Variants in LDHB observed in about 807,000 individuals in gnomAD.
The protein encoded by LDHB is L-lactate dehydrogenase B chain.
A neutral mutation model predicts 33.4 loss-of-function variants in LDHB; 18 were observed. That is an observed-to-expected ratio of 0.54 (90% CI 0.37 to 0.80). LDHB has a LOEUF of 0.80. Ranked by LOEUF, LDHB falls within the 30% of genes least tolerant of loss-of-function variation. The pLI is 0.00. For missense variants in LDHB, 345 were observed against 407.9 expected (o/e 0.85, Z 1.33); for synonymous variants, 121 against 140.6 (o/e 0.86, Z 0.98).
In LDHB at chr12:21,635,719, C is replaced by A. The variant is rs776167553; in HGVS notation, c.838-10G>T. 1 of 1,612,714 alleles carries A rather than the reference C, an allele frequency of 6.2e-7. No homozygotes were observed. Among genetic ancestry groups the A allele is most frequent in the South Asian group, 1.1e-5 (1 of 91,036 alleles). On this transcript the variant is annotated splice_polypyrimidine_tract_variant and intron_variant, in intron 7 of 7. Transcript: ENST00000350669. Reference sequence around the variant, plus strand: ...CAATGCCATACATCCCCTGCCAGAACAACAAAGCATCGAGATTAAGACATG... The same window carrying A: ...CAATGCCATACATCCCCTGCCAGAAAAACAAAGCATCGAGATTAAGACATG...
Position 21,657,796 on chromosome 12 carries a change from A to C in LDHB, c.-52T>G, listed in dbSNP as rs370087403. 1.4e-4 allele frequency: 22 copies of C among 152,494 alleles called. No homozygotes were observed. Among genetic ancestry groups the C allele is most frequent in the African/African-American group, 5.3e-4 (22 of 41,574 alleles). The allele number at this position is 152,494 out of a possible 1,614,324, so 9.4% of individuals were successfully genotyped here. On this transcript the variant is annotated 5_prime_UTR_variant, in exon 1 of 8. Transcript: ENST00000350669. Reference sequence around the variant, plus strand: ...AGACCTCTGTAACAGTCGTGCGGAGAAGACAAAGTCAGCTGCGTGCGTCTC... The same window carrying C: ...AGACCTCTGTAACAGTCGTGCGGAGCAGACAAAGTCAGCTGCGTGCGTCTC...
Position 21,650,142 on chromosome 12 carries a change from A to ACC in LDHB, c.130-3127_130-3126insGG, listed in dbSNP as rs1565629857. Among the ~76,000 whole-genome samples the ACC allele has an allele frequency of 3.6e-4, 54 of 148,196 alleles. 2 individuals are homozygous for ACC. The highest frequency in any genetic ancestry group is 1.4e-3 in the African/African-American group (54 of 39,460). ...CACACACACACACACACACACACAC[A>ACC]CACACACACGTCTCTCTCTCCAAGT... On this transcript the variant is annotated intron_variant, in intron 2 of 7. Coordinates refer to ENST00000350669, the MANE Select transcript of LDHB (RefSeq NM_002300.8).
intron 6 of LDHB, among the ~76,000 whole-genome samples, chr12:21,637,836 T>G (rs1283427113): frequency 6.6e-6 from 1 of 151,978 alleles, no homozygotes; most frequent in Non-Finnish European, 1.5e-5. Context: ...ATATGTTAAT[T>G]GAAATTATAA....
At chr12:21,636,959 G>C (rs1193423351) in intron 7 of LDHB, 112 bp downstream of exon 7, 1 of 962,244 alleles carries the variant, frequency 1.0e-6, no homozygotes, top group East Asian at 2.4e-5. Flanking sequence ...AACTTTGAGA[G>C]ACAGAAATAA....
chr12:21,644,320 G>T (rs1938454373), intron 3 of LDHB, among the ~76,000 whole-genome samples: 1 of 150,112 alleles, frequency 6.7e-6, no homozygotes, highest in South Asian at 2.1e-4. Flanking sequence ...ACATCAAACT[G>T]CCTCAGAAAA....
In LDHB at chr12:21,637,167, T is replaced by C; in HGVS notation, c.741A>G (p.Gly247=). The C allele has an allele frequency of 6.2e-7, 1 of 1,602,372 alleles. No homozygotes were observed. ...ESAYEVIKLK[G]YTNWAIGLSV... ...TTAATCCAATAGCCCAGTTGGTATA[T>C]CCTTTTAGCTTGATGACTTCATAGG... Residue 247 remains glycine, a synonymous_variant, in exon 7 of 8, where the codon GGA becomes GGG. Transcript: ENST00000350669.
intron 2 of LDHB, among the ~76,000 whole-genome samples, chr12:21,650,083 C>A (rs1938638291): frequency 1.0e-5 from 1 of 98,546 alleles, no homozygotes; most frequent in African/African-American, 3.7e-5. Flanking sequence ...CAGTAAGACT[C>A]TCTCTCTCAA....
At chr12:21,653,662 A>AT (rs1938754931) in intron 2 of LDHB, among the ~76,000 whole-genome samples, 1 of 12,274 alleles carries the variant, frequency 8.1e-5, no homozygotes. Flanking sequence ...ATATACACAT[A>AT]TATGTATGTA....
intron 5 of LDHB, among the ~76,000 whole-genome samples, chr12:21,641,707 A>T (rs1938372408): frequency 6.6e-6 from 1 of 152,206 alleles, no homozygotes; most frequent in Non-Finnish European, 1.5e-5. Flanking sequence ...TAAAGAACTT[A>T]AGGAGAAAAA....
chr12:21,643,906 G>A (rs1440382913), intron 4 of LDHB, 29 bp downstream of exon 4: 3 of 1,526,606 alleles, frequency 2.0e-6, no homozygotes. Flanking sequence ...GAACTTAACA[G>A]AACAGAGACT....
At chr12:21,657,675 C>G (rs1385314620) in intron 1 of LDHB, 76 bp downstream of exon 1, 2 of 152,462 alleles carry the variant, frequency 1.3e-5, no homozygotes, top group African/African-American at 4.8e-5. Flanking sequence ...CCGCGTCTCC[C>G]CATACAAGTA....
intron 2 of LDHB, among the ~76,000 whole-genome samples, chr12:21,652,562 T>C (rs1028498018): frequency 6.6e-6 from 1 of 152,174 alleles, no homozygotes; most frequent in Non-Finnish European, 1.5e-5. Flanking sequence ...CCCTGTAATC[T>C]AGGGAGCTGC....
chr12:21,635,889 A>G (rs1035843931), intron 7 of LDHB, among the ~76,000 whole-genome samples, 180 bp from the exon 8 acceptor site: 2 of 151,992 alleles, frequency 1.3e-5, no homozygotes, highest in Non-Finnish European at 1.5e-5. Context: ...TAAAGGGGGG[A>G]AAAAAGAGAA....
At position 21,642,907 on chromosome 12, in the gene LDHB, C is replaced by T. The variant is rs1329011151; in HGVS notation, c.422-782G>A. 1.2e-4 allele frequency among the ~76,000 whole-genome samples: 18 copies of T among 152,146 alleles called. 1 individual carries two copies. The highest frequency in any genetic ancestry group is 1.2e-3 in the Admixed American group (18 of 15,280). On this transcript the variant is annotated intron_variant, in intron 4 of 7. Coordinates refer to ENST00000350669, the MANE Select transcript of LDHB (RefSeq NM_002300.8). ...AACTTTGATTCCATGGAAGTGACTC[C>T]CTGGAAAATCCAGCTGTGAAGCTAT... is the stretch of plus-strand genomic sequence containing the variant.
At position 21,643,967 on chromosome 12, in the gene LDHB, G is replaced by C; in HGVS notation, c.389C>G (p.Pro130Arg). Reference sequence around the variant, plus strand: ...GGAAACCACAATTATGATGCAATCAGGACTGTACTTGACGATCTGAGGAAT... The same window carrying C: ...GGAAACCACAATTATGATGCAATCACGACTGTACTTGACGATCTGAGGAAT... ...FIIPQIVKYSPDCIIIVVSNP... is the reference protein window; with the variant it reads ...FIIPQIVKYSRDCIIIVVSNP... The change falls in exon 4 of 8, where the codon CCT (proline) becomes CGT (arginine). Residue 130 changes from proline (P) to arginine (R), a missense_variant. Coordinates refer to ENST00000350669, the MANE Select transcript of LDHB (RefSeq NM_002300.8). The C allele has an allele frequency of 6.2e-7, 1 of 1,612,648 alleles. No individual in the cohort carries two copies.
chr12:21,644,424 C>CAAAAAAAAAAAAACAAAAAAAAAAAAAA (rs1591830643), intron 3 of LDHB, among the ~76,000 whole-genome samples: 5 of 15,278 alleles, frequency 3.3e-4, no homozygotes, highest in Non-Finnish European at 7.9e-4. Context: ...AGGTAGACAT[C>CAAAAAAAAAAAAACAAAAAAAAAAAAAA]AAAAAAAAAA....
rs1447161700 is a variant in LDHB, at chr12:21,646,980, C to G, written c.166G>C (p.Glu56Gln). ...ATCATTTCTCCTTTAAGCTTATCTT[C>G]CAAAACATCCACAAGAGCAAGTTCA... ...ADELALVDVL[E>Q]DKLKGEMMDL... The change falls in exon 3 of 8, where the codon GAA becomes CAA. Residue 56 changes from glutamate to glutamine, a missense_variant. Transcript: ENST00000350669. The G allele has an allele frequency of 6.2e-7, 1 of 1,613,748 alleles. No homozygotes were observed. Among genetic ancestry groups the G allele is most frequent in the Non-Finnish European group, 8.5e-7 (1 of 1,179,760 alleles).
At chr12:21,643,891 A>G (rs1938438742) in intron 4 of LDHB, 44 bp downstream of exon 4, 3 of 1,435,654 alleles carry the variant, frequency 2.1e-6, no homozygotes, top group East Asian at 4.5e-5. Flanking sequence ...AAACACCAAA[A>G]CACTGAACTT....
intron 2 of LDHB, among the ~76,000 whole-genome samples, chr12:21,650,016 C>T (rs1445692132): frequency 6.6e-6 from 1 of 151,592 alleles, no homozygotes; most frequent in African/African-American, 2.4e-5. Context: ...CACTTGAATC[C>T]GAGAGGCAGA....
Sources: gnomAD v4.1 joint callset for allele counts (sites outside exome capture counted in the v4.1 genomes callset) on GRCh38, gnomAD v4.1.1 for gene constraint, MANE v1.5 for transcripts, NCBI Gene and HGNC (gene_info 2026-07-23, HGNC 2026-07-21) for gene names.